The following LPAR1 variants were observed in gnomAD, a reference collection of about 807,000 sequenced individuals.
LPAR1 encodes LPA receptor 1.
A neutral mutation model predicts 23.8 loss-of-function variants in LPAR1; 5 were observed. The observed-to-expected ratio is 0.21, with a 90% CI of 0.11 to 0.44. The LOEUF (loss-of-function observed/expected upper bound fraction) is 0.44, where lower values mean the gene tolerates loss of function less well. Ranked by LOEUF, LPAR1 falls within the 20% of genes least tolerant of loss-of-function variation. The probability of loss-of-function intolerance (pLI) is 0.99; values close to 1 mark genes in which losing one functional copy is unlikely to be tolerated. For missense variants in LPAR1, 311 were observed against 482.8 expected (o/e 0.64, Z 3.33); for synonymous variants, 160 against 164.7 (o/e 0.97, Z 0.22).
chr9:110,997,582 C>T (rs965397002), intron 2 of LPAR1, among the ~76,000 whole-genome samples: 6 of 152,254 alleles, frequency 3.9e-5, no homozygotes, highest in African/African-American at 1.2e-4. Context: ...ACCCATGAAA[C>T]TTAAACACAA....
intron 5 of LPAR1, among the ~76,000 whole-genome samples, chr9:110,903,634 A>G (rs1166939389): frequency 6.6e-6 from 1 of 152,110 alleles, no homozygotes; most frequent in African/African-American, 2.4e-5. Context: ...CCGACAAAAA[A>G]CAGACCCTCA....
chr9:110,914,395 G>C (rs2092817481), intron 5 of LPAR1, among the ~76,000 whole-genome samples: 2 of 152,296 alleles, frequency 1.3e-5, no homozygotes, highest in South Asian at 4.1e-4. Flanking sequence ...AGAGCCAAGT[G>C]AAAGGGGTTT....
chr9:110,891,051 G>A (rs2133198904), intron 5 of LPAR1, among the ~76,000 whole-genome samples: 1 of 152,246 alleles, frequency 6.6e-6, no homozygotes, highest in Admixed American at 6.5e-5. Flanking sequence ...CATTTGTACT[G>A]ACATTCTAGT....
intron 2 of LPAR1, among the ~76,000 whole-genome samples, chr9:110,991,319 C>T (rs1429755139): frequency 6.6e-6 from 1 of 152,172 alleles, no homozygotes; most frequent in Non-Finnish European, 1.5e-5. Context: ...GAAGACAAAA[C>T]AGAATAGAGA....
At chr9:110,993,119 C>A (rs2096928452) in intron 2 of LPAR1, among the ~76,000 whole-genome samples, 2 of 151,994 alleles carry the variant, frequency 1.3e-5, no homozygotes, top group Non-Finnish European at 2.9e-5. Flanking sequence ...GACCACTAAC[C>A]ACAAACTAAT....
intron 3 of LPAR1, among the ~76,000 whole-genome samples, chr9:110,972,661 A>G (rs1475577626): frequency 6.6e-6 from 1 of 152,172 alleles, no homozygotes. Context: ...GAAACTGGAT[A>G]GTGGGTCAGG....
At chr9:111,016,686 A>C (rs1041881789) in intron 2 of LPAR1, among the ~76,000 whole-genome samples, 3 of 152,216 alleles carry the variant, frequency 2.0e-5, no homozygotes, top group Admixed American at 6.5e-5. Flanking sequence ...ACTGCTACTC[A>C]GTTCTTATCA....
intron 2 of LPAR1, among the ~76,000 whole-genome samples, chr9:111,013,571 G>A (rs569977219): frequency 6.6e-6 from 1 of 152,212 alleles, no homozygotes; most frequent in East Asian, 1.9e-4. Flanking sequence ...TGGATTCCAA[G>A]GGCATTTAAA....
In LPAR1 at chr9:110,942,095, T is replaced by A. The variant is rs772129805; in HGVS notation, c.119A>T (p.His40Leu). The A allele has an allele frequency of 6.2e-7, 1 of 1,614,138 alleles. No individual in the cohort carries two copies. The highest frequency in any genetic ancestry group is 1.1e-5 in the South Asian group (1 of 91,082). The change falls in exon 5 of 6, where the codon CAT (histidine) becomes CTT (leucine). Residue 40 changes from histidine to leucine, a missense_variant. His to Leu is a moderately conservative substitution (Grantham distance 99). Coordinates refer to ENST00000683809, the MANE Select transcript of LPAR1 (RefSeq NM_001351411.2). ...IAFFYNRSGK[H>L]LATEWNTVSK... ...GACTGTGTTCCATTCTGTGGCAAGA[T>A]GCTTTCCACTTCGGTTATAAAAGAA...
At chr9:110,971,372 C>T (rs1478137975) in intron 4 of LPAR1, among the ~76,000 whole-genome samples, 3 of 152,096 alleles carry the variant, frequency 2.0e-5, no homozygotes, top group Non-Finnish European at 4.4e-5. Context: ...GGCTCTTTAT[C>T]CTGCAATCAG....
At chr9:111,001,324 C>T (rs774087613) in intron 2 of LPAR1, among the ~76,000 whole-genome samples, 1 of 152,068 alleles carries the variant, frequency 6.6e-6, no homozygotes, top group Admixed American at 6.6e-5. Flanking sequence ...ACCAAAATAG[C>T]CAAGACAAAT....
chr9:111,019,723 T>C (rs1031705039), intron 2 of LPAR1, among the ~76,000 whole-genome samples: 7 of 150,760 alleles, frequency 4.6e-5, no homozygotes, highest in Non-Finnish European at 8.8e-5. Context: ...CGGGCACCTG[T>C]AGTCCCAGCT....
intron 5 of LPAR1, among the ~76,000 whole-genome samples, chr9:110,883,696 C>CTG (rs1308624980): frequency 6.6e-6 from 1 of 151,760 alleles, no homozygotes; most frequent in Non-Finnish European, 1.5e-5. Context: ...TCTTTTTATT[C>CTG]TCTCTTTTGT....
chr9:110,999,390 T>C (rs1449474435), intron 2 of LPAR1: 25 of 455,928 alleles, frequency 5.5e-5, no homozygotes, highest in Admixed American at 3.3e-4. Flanking sequence ...TCCCCCACCC[T>C]ACCTCATTTT....
rs2097941649 is a variant in LPAR1, at chr9:111,038,426, C to CG, written c.-522dup. 1 of 312,186 alleles carries CG rather than the reference C, an allele frequency of 3.2e-6. No homozygotes were observed. The highest frequency in any genetic ancestry group is 4.6e-5 in the Admixed American group (1 of 21,860). The allele number at this position is 312,186 out of a possible 1,614,324, so 19.3% of individuals were successfully genotyped here. A position where few individuals can be genotyped will look rare whatever the true frequency, so the allele number is the denominator to read the frequency against. On this transcript the variant is annotated 5_prime_UTR_variant, in exon 1 of 6. Transcript: ENST00000683809. The surrounding 1 kb of genome is among the most constrained non-coding windows in gnomAD (Gnocchi z 4.4). ...CCGCGCTCCGCAGCGGGGCTGGAGA[C>CG]GGAGTCGCCACTCAGGGAGCGTCAG...
At chr9:111,015,196 C>T (rs10125797) in intron 2 of LPAR1, among the ~76,000 whole-genome samples, 1,987 of 152,264 alleles carry the variant, frequency 0.013, 40 homozygotes, top group African/African-American at 0.045. Flanking sequence ...GTTTCAGCCA[C>T]CCAGTCCGTG....
chr9:110,974,609 G>A (rs567965905), intron 2 of LPAR1, among the ~76,000 whole-genome samples: 2 of 152,218 alleles, frequency 1.3e-5, no homozygotes, highest in South Asian at 4.1e-4. Context: ...TCCCATTACA[G>A]CAATTATTTT....
At chr9:110,880,577 C>T (rs2080476849) in intron 5 of LPAR1, among the ~76,000 whole-genome samples, 1 of 152,196 alleles carries the variant, frequency 6.6e-6, no homozygotes, top group Non-Finnish European at 1.5e-5. Context: ...TCTAGTCTGG[C>T]TGGCAAAGTT....
chr9:110,926,516 C>T (rs559254989), intron 5 of LPAR1, among the ~76,000 whole-genome samples: 14 of 152,198 alleles, frequency 9.2e-5, no homozygotes, highest in African/African-American at 3.4e-4. Flanking sequence ...CTCAAGATAC[C>T]TTTTAGTAGA....
Sources: gnomAD v4.1 joint callset for allele counts (sites outside exome capture counted in the v4.1 genomes callset) on GRCh38, gnomAD v4.1.1 for gene constraint, Gnocchi (gnomAD v3.1) non-coding constraint, MANE v1.5 for transcripts, NCBI Gene and HGNC (gene_info 2026-07-23, HGNC 2026-07-21) for gene names.